The following SPTSSB variants were observed in gnomAD, a reference collection of about 807,000 sequenced individuals.
SPTSSB encodes the protein androgen down regulated in mouse prostate.
A neutral mutation model predicts 7.7 loss-of-function variants in SPTSSB; 6 were observed. The observed-to-expected ratio is 0.78, with a 90% CI of 0.43 to 1.54. The LOEUF (loss-of-function observed/expected upper bound fraction) is 1.54, where lower values mean the gene tolerates loss of function less well. Ranked by LOEUF, SPTSSB falls within the 40% of genes most tolerant of loss-of-function variation. The probability of loss-of-function intolerance (pLI) is 0.01; values close to 1 mark genes in which losing one functional copy is unlikely to be tolerated. For missense variants in SPTSSB, 91 were observed against 93.0 expected (o/e 0.98, Z 0.09); for synonymous variants, 28 against 29.7 (o/e 0.94, Z 0.19).
intron 2 of SPTSSB, 62 bp from the exon 3 acceptor site, chr3:161,346,417 C>A (rs1714240453): frequency 1.3e-6 from 1 of 788,776 alleles, no homozygotes; most frequent in South Asian, 1.7e-5. Context: ...TTTAAAATTT[C>A]ATGATCTCAG....
chr3:161,358,517 G>A (rs750759695), intron 2 of SPTSSB, among the ~76,000 whole-genome samples: 7 of 152,104 alleles, frequency 4.6e-5, no homozygotes, highest in Non-Finnish European at 1.0e-4. Context: ...AAAATATTTA[G>A]AATAACACAT....
intron 2 of SPTSSB, among the ~76,000 whole-genome samples, chr3:161,353,540 AC>A (rs1714638604): frequency 6.6e-6 from 1 of 151,990 alleles, no homozygotes; most frequent in African/African-American, 2.4e-5. Context: ...CAGGGCCACC[AC>A]ATACTGTTGT....
rs1714932702 is a variant in SPTSSB, at chr3:161,359,804, A to G, written c.-35T>C. On this transcript the variant is annotated splice_region_variant and 5_prime_UTR_variant, in exon 2 of 3. Coordinates refer to ENST00000620149, the MANE Select transcript of SPTSSB (RefSeq NM_001040100.2). ...TGATATAATCAGAATTTACTTGCCTAAGAAAGTCCAGGTCTGGTTCTTCAG... is the reference window on the plus strand; with the variant it reads ...TGATATAATCAGAATTTACTTGCCTGAGAAAGTCCAGGTCTGGTTCTTCAG... 8 of 985,426 alleles carry G rather than the reference A, an allele frequency of 8.1e-6. No homozygotes were observed. The highest frequency in any genetic ancestry group is 1.7e-5 in the African/African-American group (1 of 57,374). 61.0% of individuals were successfully genotyped at this position (985,426 alleles called of 1,614,324 possible).
At chr3:161,360,928 G>T (rs971161575) in intron 1 of SPTSSB, among the ~76,000 whole-genome samples, 8 of 152,056 alleles carry the variant, frequency 5.3e-5, no homozygotes, top group Non-Finnish European at 1.2e-4. Context: ...TAAATAAGCG[G>T]TCCAATATTC....
Position 161,345,900 on chromosome 3 carries a change from A to C in SPTSSB, c.*193T>G. On this transcript the variant is annotated 3_prime_UTR_variant, in exon 3 of 3. Coordinates refer to ENST00000620149, the MANE Select transcript of SPTSSB (RefSeq NM_001040100.2). ...CTGTATTATCTCCGGTCTAAAGCACAATGTAGCATGTGCAAAAGAAACTAA... is the reference window on the plus strand; with the variant it reads ...CTGTATTATCTCCGGTCTAAAGCACCATGTAGCATGTGCAAAAGAAACTAA... 2.0e-6 allele frequency: 1 copy of C among 508,672 alleles called. No homozygotes were observed. Among genetic ancestry groups the C allele is most frequent in the Non-Finnish European group, 3.5e-6 (1 of 281,968 alleles). 31.5% of individuals were successfully genotyped at this position (508,672 alleles called of 1,614,324 possible).
rs1171417337 is a variant in SPTSSB, at chr3:161,356,852, G to A, written c.-33+2950C>T. On this transcript the variant is annotated intron_variant, in intron 2 of 2. Transcript: ENST00000620149. ...GCTTTTACAGAAAAGAGTGGAGGCT[G>A]GGCGTGGTAATCCTCGCACTTTGAG... Among the ~76,000 whole-genome samples the A allele has an allele frequency of 3.9e-5, 6 of 152,100 alleles. No homozygotes were observed. The South Asian group carries it at 1.2e-3, about 32-fold the overall frequency.
At chr3:161,354,697 A>G (rs1405477111) in intron 2 of SPTSSB, among the ~76,000 whole-genome samples, 2 of 152,246 alleles carry the variant, frequency 1.3e-5, no homozygotes, top group African/African-American at 4.8e-5. Context: ...AAAGCAAAAC[A>G]ATTTAAAAAA....
intron 1 of SPTSSB, among the ~76,000 whole-genome samples, chr3:161,370,043 A>T (rs1715441151): frequency 6.6e-6 from 1 of 152,220 alleles, no homozygotes; most frequent in South Asian, 2.1e-4. Context: ...CCATTCTGGA[A>T]GTGAGTCCCA....
At chr3:161,362,862 A>G (rs995083734) in intron 1 of SPTSSB, among the ~76,000 whole-genome samples, 3 of 152,098 alleles carry the variant, frequency 2.0e-5, no homozygotes, top group Non-Finnish European at 4.4e-5. Context: ...GACAACACTT[A>G]TAAGAAGTTG....
intron 2 of SPTSSB, among the ~76,000 whole-genome samples, chr3:161,349,193 G>A (rs1714407265): frequency 6.6e-6 from 1 of 152,134 alleles, no homozygotes; most frequent in African/African-American, 2.4e-5. Context: ...TGCTCTTCCA[G>A]GAAGCAGCAA....
At chr3:161,347,424 A>AT (rs1006225611) in intron 2 of SPTSSB, among the ~76,000 whole-genome samples, 84 of 150,266 alleles carry the variant, frequency 5.6e-4, no homozygotes, top group African/African-American at 1.4e-3. Context: ...TGCCCGGCTA[A>AT]TTTTTTTTTG....
intron 1 of SPTSSB, among the ~76,000 whole-genome samples, chr3:161,369,080 T>A (rs1398090578): frequency 2.0e-5 from 3 of 152,150 alleles, no homozygotes; most frequent in Non-Finnish European, 4.4e-5. Flanking sequence ...AATATATGCC[T>A]AGGAGTGGAA....
intron 2 of SPTSSB, among the ~76,000 whole-genome samples, chr3:161,357,726 A>T (rs989340569): frequency 6.6e-6 from 1 of 152,140 alleles, no homozygotes; most frequent in Non-Finnish European, 1.5e-5. Context: ...TTTAAAAGAG[A>T]GACACAGAGA....
rs149318077 is a variant in SPTSSB at position 161,369,424 on chromosome 3, C to T, written c.-126+2011G>A. ...TTTTTTTTTTTTGTGATAGCCATTC[C>T]GGTTGGTGTGAAGTGGGATTGTACT... On this transcript the variant is annotated intron_variant, in intron 1 of 2. Transcript: ENST00000620149. Among the ~76,000 whole-genome samples the T allele has an allele frequency of 1.1e-3, 114 of 105,202 alleles. No individual in the cohort carries two copies. The East Asian group carries it at 0.025, about 23-fold the overall frequency. 69.0% of individuals were successfully genotyped at this position (105,202 alleles called of 152,430 possible).
chr3:161,364,968 T>C (rs984221843), intron 1 of SPTSSB, among the ~76,000 whole-genome samples: 1 of 152,202 alleles, frequency 6.6e-6, no homozygotes, highest in African/African-American at 2.4e-5. Flanking sequence ...TTTTTATAGA[T>C]ATTGAACTCA....
Position 161,346,204 on chromosome 3 carries a change from G to T in SPTSSB, c.120C>A (p.Thr40=). ...CAGTGTATACCACCATAGCAATAAT[G>T]GTTAGTAAGATGGTGTTAAACATAG... The part of the protein sequence containing the change: ...ERSMFNTILL[T]IIAMVVYTAY... Residue 40 remains threonine (T), a synonymous_variant, in exon 3 of 3, where the codon ACC becomes ACA. Transcript: ENST00000620149. 6.2e-7 allele frequency: 1 copy of T among 1,612,098 alleles called. No individual in the cohort carries two copies. The highest frequency in any genetic ancestry group is 8.5e-7 in the Non-Finnish European group (1 of 1,178,158).
chr3:161,353,052 T>C (rs1399365528), intron 2 of SPTSSB, among the ~76,000 whole-genome samples: 4 of 152,148 alleles, frequency 2.6e-5, no homozygotes, highest in South Asian at 2.1e-4. Context: ...GCAGCTCTTT[T>C]CCTCTCTTTC....
rs1300309239 is a variant in SPTSSB at position 161,371,254 on chromosome 3, T to G, written c.-126+181A>C. The stretch of plus-strand genomic sequence containing the variant: ...CTTCTACTGAGTGAAACATCTTAGT[T>G]TCCCACATAGTGAAAGGTAAATGGA... On this transcript the variant is annotated intron_variant, in intron 1 of 2. Transcript: ENST00000620149. Among the ~76,000 whole-genome samples the G allele has an allele frequency of 3.3e-5, 5 of 152,352 alleles. No individual in the cohort carries two copies. In the East Asian group the frequency reaches 5.8e-4, roughly 18 times the overall value.
chr3:161,354,075 A>C (rs1714663545), intron 2 of SPTSSB, among the ~76,000 whole-genome samples: 1 of 152,192 alleles, frequency 6.6e-6, no homozygotes, highest in Non-Finnish European at 1.5e-5. Flanking sequence ...GCAATTAAGG[A>C]ACTTTCTCTA....
Sources: allele counts gnomAD v4.1 joint callset (sites outside exome capture counted in the v4.1 genomes callset), GRCh38; gene constraint gnomAD v4.1.1; transcripts MANE v1.5; gene names NCBI Gene and HGNC (gene_info 2026-07-23, HGNC 2026-07-21).